Variants in CMPK2 observed in about 807,000 individuals in gnomAD.
CMPK2 encodes the protein UMP-CMP kinase 2, mitochondrial.
A neutral mutation model predicts 33.4 loss-of-function variants in CMPK2; 32 were observed. That is an observed-to-expected ratio of 0.96 (90% CI 0.72 to 1.29). CMPK2 has a LOEUF of 1.29. Among genes scored for constraint, CMPK2 ranks in the 50% most tolerant of loss-of-function variants. The probability of loss-of-function intolerance (pLI) is 0.00; values close to 1 mark genes in which losing one functional copy is unlikely to be tolerated. For missense variants in CMPK2, 672 were observed against 616.0 expected (o/e 1.09, Z -0.96); for synonymous variants, 299 against 275.3 (o/e 1.09, Z -0.85).
upstream of CMPK2, chr2:6,865,983 C>G: frequency 1.1e-6 from 1 of 898,592 alleles, no homozygotes; most frequent in Non-Finnish European, 1.5e-6. Flanking sequence ...CGGGCCTGCG[C>G]GGTCCCCAGG....
chr2:6,861,295 A>G lies in CMPK2; in HGVS notation c.881T>C (p.Ile294Thr). 3.1e-6 allele frequency: 5 copies of G among 1,614,128 alleles called. No homozygotes were observed. Among genetic ancestry groups the G allele is most frequent in the Non-Finnish European group, 4.2e-6 (5 of 1,180,000 alleles). The change falls in exon 3 of 5, where the codon ATC (isoleucine) becomes ACC (threonine). Residue 294 changes from isoleucine to threonine, a missense_variant. Physicochemically the swap from Ile to Thr is moderately conservative, Grantham distance 89. Coordinates refer to ENST00000256722, the MANE Select transcript of CMPK2 (RefSeq NM_207315.4). ...PPSCIGQWRK[I>T]FDDEPTIIRR... ...AATGATAGTTGGTTCATCATCAAAG[A>G]TCTTCCTCCACTGGCCAATGCAAGA...
chr2:6,847,559 C>T (rs1042383334), downstream of CMPK2, among the ~76,000 whole-genome samples: 4 of 152,066 alleles, frequency 2.6e-5, no homozygotes, highest in African/African-American at 9.7e-5. Context: ...GATTTTTTCC[C>T]CAGGCTGCTT....
Position 6,848,826 on chromosome 2 carries a change from T to C in CMPK2, c.*1024A>G, listed in dbSNP as rs1662428050. On this transcript the variant is annotated 3_prime_UTR_variant, in exon 5 of 5. Coordinates refer to ENST00000256722, the MANE Select transcript of CMPK2 (RefSeq NM_207315.4). ...TCTGTCTAAAGATATGTCAAAGCGA[T>C]TTCATATGTAATCATGAGACATTCA... 2.0e-6 allele frequency: 2 copies of C among 985,760 alleles called. No individual in the cohort carries two copies. The highest frequency in any genetic ancestry group is 1.7e-5 in the African/African-American group (1 of 57,252). 61.1% of individuals were successfully genotyped at this position (985,760 alleles called of 1,614,324 possible). A position where few individuals can be genotyped will look rare whatever the true frequency, so the allele number is the denominator to read the frequency against.
Position 6,865,038 on chromosome 2 carries a change from C to A in CMPK2, c.659G>T (p.Arg220Leu), listed in dbSNP as rs535580552. 7 of 1,432,454 alleles carry A rather than the reference C, an allele frequency of 4.9e-6. No individual in the cohort carries two copies. The highest frequency in any genetic ancestry group is 5.8e-5 in the Admixed American group (2 of 34,394). The allele number at this position is 1,432,454 out of a possible 1,614,324, so 88.7% of individuals were successfully genotyped here. A position where few individuals can be genotyped will look rare whatever the true frequency, so the allele number is the denominator to read the frequency against. ...AACTCTTACCTCCTCCAAAACGGCC[C>A]GGGCGGCTTCCCGGTCCGGGAAGAC... ...SVVFPDREAARAVLEECTSFI... is the reference protein window; with the variant it reads ...SVVFPDREAALAVLEECTSFI... Residue 220 changes from arginine (R) to leucine (L), a missense_variant, in exon 1 of 5, where the codon CGG becomes CTG. Arg to Leu is a moderately radical substitution (Grantham distance 102). Transcript: ENST00000256722.
At chr2:6,858,024 C>T (rs573136791) in intron 3 of CMPK2, among the ~76,000 whole-genome samples, 1 of 152,200 alleles carries the variant, frequency 6.6e-6, no homozygotes, top group Non-Finnish European at 1.5e-5. Context: ...GGCCTACAAG[C>T]CCTACAGACC....
At chr2:6,866,432 A>G, upstream of CMPK2, 5 of 985,606 alleles carry the variant, frequency 5.1e-6, no homozygotes, top group Non-Finnish European at 6.0e-6. Flanking sequence ...TCACCTGTGC[A>G]CAAGCTTTTC....
chr2:6,865,652 C>G lies in CMPK2; in HGVS notation c.45G>C (p.Pro15=). 7.5e-7 allele frequency: 1 copy of G among 1,335,276 alleles called. No individual in the cohort carries two copies. The highest frequency in any genetic ancestry group is 9.5e-7 in the Non-Finnish European group (1 of 1,049,482). The allele number at this position is 1,335,276 out of a possible 1,614,324, so 82.7% of individuals were successfully genotyped here. The change falls in exon 1 of 5, where the codon CCG becomes CCC. Residue 15 remains proline (P), a synonymous_variant. Coordinates refer to ENST00000256722, the MANE Select transcript of CMPK2 (RefSeq NM_207315.4). The part of the protein sequence containing the change: ...RRLLRGPLSG[P]LLGRRGVCAG... ...CGCAGACCCCGCGCCGCCCGAGCAG[C>G]GGCCCCGACAGTGGCCCGCGCAGGA...
At position 6,865,646 on chromosome 2, in the gene CMPK2, G is replaced by T; in HGVS notation, c.51C>A (p.Leu17=). The T allele has an allele frequency of 7.4e-7, 1 of 1,347,060 alleles. No individual in the cohort carries two copies. Among genetic ancestry groups the T allele is most frequent in the South Asian group, 1.9e-5 (1 of 53,410 alleles). The allele number at this position is 1,347,060 out of a possible 1,614,324, so 83.4% of individuals were successfully genotyped here. ...CCCCAGCGCAGACCCCGCGCCGCCCGAGCAGCGGCCCCGACAGTGGCCCGC... is the reference window on the plus strand; with the variant it reads ...CCCCAGCGCAGACCCCGCGCCGCCCTAGCAGCGGCCCCGACAGTGGCCCGC... The part of the protein sequence containing the change: ...LLRGPLSGPL[L]GRRGVCAGAM... The change falls in exon 1 of 5, where the codon CTC becomes CTA. Residue 17 remains leucine (L), a synonymous_variant. Coordinates refer to ENST00000256722, the MANE Select transcript of CMPK2 (RefSeq NM_207315.4).
Position 6,851,616 on chromosome 2 carries a change from G to T in CMPK2, c.1060C>A (p.Pro354Thr). ...CACTGGTACACAGGGTGATGGGCTG[G>T]GGGCAGGTGCTGGAGACCCCCACTC... is the stretch of plus-strand genomic sequence containing the variant. ...EVSGGLQHLP[P>T]AHHPVYQWPE... The change falls in exon 4 of 5, where the codon CCA (proline) becomes ACA (threonine). Residue 354 changes from proline to threonine, a missense_variant. Transcript: ENST00000256722. The T allele has an allele frequency of 6.2e-7, 1 of 1,614,154 alleles. No individual in the cohort carries two copies. The highest frequency in any genetic ancestry group is 8.5e-7 in the Non-Finnish European group (1 of 1,180,028).
intron 4 of CMPK2, chr2:6,850,650 T>A: frequency 1.4e-6 from 1 of 696,840 alleles, no homozygotes; most frequent in Non-Finnish European, 1.8e-6. Flanking sequence ...AAACCGTACC[T>A]TCCTTGCAAA....
chr2:6,865,734 A>G lies in CMPK2; in HGVS notation c.-38T>C. On this transcript the variant is annotated 5_prime_UTR_variant, in exon 1 of 5. Transcript: ENST00000256722. ...GACGCCGCCCTCGGCCCCGCCTCGG[A>G]AACGAAACCTGGCGGGAGCCAGGCG... 1 of 1,276,800 alleles carries G rather than the reference A, an allele frequency of 7.8e-7. No homozygotes were observed. The highest frequency in any genetic ancestry group is 9.9e-7 in the Non-Finnish European group (1 of 1,012,800). The allele number at this position is 1,276,800 out of a possible 1,614,324, so 79.1% of individuals were successfully genotyped here.
In CMPK2 at chr2:6,849,329, G is replaced by A; in HGVS notation, c.*521C>T. The A allele has an allele frequency of 1.0e-6, 1 of 986,102 alleles. No individual in the cohort carries two copies. The highest frequency in any genetic ancestry group is 1.2e-6 in the Non-Finnish European group (1 of 830,452). The allele number at this position is 986,102 out of a possible 1,614,324, so 61.1% of individuals were successfully genotyped here. On this transcript the variant is annotated 3_prime_UTR_variant, in exon 5 of 5. Transcript: ENST00000256722. ...CTTGGGCAGCCAGGACACATAGACA[G>A]CCTCTGCAGGAACACTTGGCTCTAG... is the stretch of plus-strand genomic sequence containing the variant.
At chr2:6,844,440 C>T (rs1167792589), downstream of CMPK2, among the ~76,000 whole-genome samples, 2 of 152,216 alleles carry the variant, frequency 1.3e-5, no homozygotes, top group Non-Finnish European at 2.9e-5. Flanking sequence ...ATGCCTCTCT[C>T]AGCCTTTCTA....
At chr2:6,857,107 T>C (rs966169344) in intron 3 of CMPK2, among the ~76,000 whole-genome samples, 5 of 152,180 alleles carry the variant, frequency 3.3e-5, no homozygotes, top group Non-Finnish European at 5.9e-5. Flanking sequence ...ATCCATATCA[T>C]ATGAAGAAAC....
At position 6,849,455 on chromosome 2, in the gene CMPK2, T is replaced by A. The variant is rs1202889526; in HGVS notation, c.*395A>T. The A allele has an allele frequency of 3.0e-6, 3 of 1,013,754 alleles. No homozygotes were observed. The allele number at this position is 1,013,754 out of a possible 1,614,324, so 62.8% of individuals were successfully genotyped here. On this transcript the variant is annotated 3_prime_UTR_variant, in exon 5 of 5. Coordinates refer to ENST00000256722, the MANE Select transcript of CMPK2 (RefSeq NM_207315.4). ...TGTCACGATCTCATCAGCATGCCAG[T>A]GTAGGAGAAGCAGAGGCTCCGGGGT... is the stretch of plus-strand genomic sequence containing the variant.
rs1663030723 is a variant in CMPK2, at chr2:6,865,269, C to T, written c.428G>A (p.Arg143Gln). 3.3e-6 allele frequency: 5 copies of T among 1,537,236 alleles called. No individual in the cohort carries two copies. The highest frequency in any genetic ancestry group is 3.8e-5 in the Admixed American group (2 of 52,826). The change falls in exon 1 of 5, where the codon CGG becomes CAG. Residue 143 changes from arginine (R) to glutamine (Q), a missense_variant. Physicochemically the swap from Arg to Gln is conservative, Grantham distance 43. Transcript: ENST00000256722. ...GCCCAGCAGCTCGAGCAGCGCTTGC[C>T]GGGTGTCAGGGTCATCCAGGGGGTC... is the stretch of plus-strand genomic sequence containing the variant. Reference protein sequence around the residue: ...LRDPLDDPDTRQALLELLGAC... With the variant: ...LRDPLDDPDTQQALLELLGAC...
At chr2:6,851,310 A>G in intron 4 of CMPK2, 140 bp downstream of exon 4, 1 of 1,488,610 alleles carries the variant, frequency 6.7e-7, no homozygotes, top group African/African-American at 1.4e-5. Context: ...GAAGGGGCTG[A>G]AGTAACTTAG....
Position 6,865,253 on chromosome 2 carries a change from C to A in CMPK2, c.444G>T (p.Glu148Asp), listed in dbSNP as rs867642403. 2 of 1,537,486 alleles carry A rather than the reference C, an allele frequency of 1.3e-6. No individual in the cohort carries two copies. Among genetic ancestry groups the A allele is most frequent in the Admixed American group, 1.9e-5 (1 of 52,690 alleles). ...GTGCCTCCTGACAGGCGCCCAGCAG[C>A]TCGAGCAGCGCTTGCCGGGTGTCAG... Reference protein sequence around the residue: ...DDPDTRQALLELLGACQEAPR... With the variant: ...DDPDTRQALLDLLGACQEAPR... The change falls in exon 1 of 5, where the codon GAG becomes GAT. Residue 148 changes from glutamate (E) to aspartate (D), a missense_variant. Transcript: ENST00000256722.
upstream of CMPK2, chr2:6,866,618 C>G (rs1031326294): frequency 1.5e-5 from 3 of 204,550 alleles, no homozygotes; most frequent in Non-Finnish European, 2.6e-5. Context: ...CTGTTGCTGC[C>G]TAACAGTGTA....
Sources: allele counts gnomAD v4.1 joint callset (sites outside exome capture counted in the v4.1 genomes callset), GRCh38; gene constraint gnomAD v4.1.1; transcripts MANE v1.5; gene names NCBI Gene and HGNC (gene_info 2026-07-23, HGNC 2026-07-21).